Variants in CTNNBL1 observed in about 807,000 individuals in gnomAD.
The protein encoded by CTNNBL1 is beta-catenin-like protein 1.
CTNNBL1 carries 31 observed loss-of-function variants against 72.7 expected under a neutral mutation model. The ratio of observed to expected loss-of-function variants is 0.43; its 90% CI spans 0.32 to 0.58. The LOEUF (loss-of-function observed/expected upper bound fraction) is 0.58. CTNNBL1 is among the 20% of genes least tolerant of loss of function. The probability of loss-of-function intolerance (pLI) is 0.08; values close to 1 mark genes in which losing one functional copy is unlikely to be tolerated. For missense variants in CTNNBL1, 534 were observed against 725.1 expected, an observed-to-expected ratio of 0.74 and a Z score of 3.03; for synonymous variants, 240 against 267.3, an observed-to-expected ratio of 0.90 and a Z score of 1.00.
intron 1 of CTNNBL1, among the ~76,000 whole-genome samples, chr20:37,718,857 A>T (rs547005161): frequency 6.6e-6 from 1 of 152,368 alleles, no homozygotes; most frequent in African/African-American, 2.4e-5. Context: ...TATGCCTTGA[A>T]GATGATAATT....
chr20:37,703,803 A>G (rs1388860693), intron 1 of CTNNBL1, among the ~76,000 whole-genome samples: 1 of 142,452 alleles, frequency 7.0e-6, no homozygotes, highest in African/African-American at 2.7e-5. Context: ...TTTTTTTTTG[A>G]GACAGAGTTT....
intron 10 of CTNNBL1, among the ~76,000 whole-genome samples, chr20:37,781,303 A>C (rs929049617): frequency 6.6e-6 from 1 of 152,180 alleles, no homozygotes; most frequent in African/African-American, 2.4e-5. Context: ...TAAGCTTCTT[A>C]AAGGTCTGAA....
intron 10 of CTNNBL1, among the ~76,000 whole-genome samples, chr20:37,795,783 T>G (rs188492377): frequency 2.0e-4 from 31 of 152,332 alleles, no homozygotes; most frequent in African/African-American, 7.5e-4. Flanking sequence ...TTCTGTCACC[T>G]GTGTTATTTT....
chr20:37,840,005 A>G, intron 11 of CTNNBL1, 97 bp from the exon 12 acceptor site: 2 of 820,422 alleles, frequency 2.4e-6, no homozygotes, highest in Non-Finnish European at 4.1e-6. Context: ...AGAAAGGCCT[A>G]CTTATTCTGC....
intron 1 of CTNNBL1, among the ~76,000 whole-genome samples, chr20:37,703,727 G>T (rs917809077): frequency 6.6e-6 from 1 of 151,898 alleles, no homozygotes; most frequent in Admixed American, 6.6e-5. Flanking sequence ...CTTGAAAGGA[G>T]CCTTGGAACT....
At chr20:37,869,573 A>G (rs1042778155) in intron 15 of CTNNBL1, among the ~76,000 whole-genome samples, 2 of 152,140 alleles carry the variant, frequency 1.3e-5, no homozygotes, top group African/African-American at 4.8e-5. Context: ...GTCTAGGGAG[A>G]GAGGGGCTGG....
intron 13 of CTNNBL1, among the ~76,000 whole-genome samples, chr20:37,857,020 T>G (rs1439334063): frequency 6.6e-6 from 1 of 152,176 alleles, no homozygotes; most frequent in Non-Finnish European, 1.5e-5. Context: ...GGGGAATCCG[T>G]TTTCTAGCAA....
Position 37,803,087 on chromosome 20 carries a change from T to G in CTNNBL1, c.1213+39T>G, listed in dbSNP as rs1224315648. On this transcript the variant is annotated intron_variant, in intron 11 of 15. Transcript: ENST00000361383. Reference sequence around the variant, plus strand: ...GAGGAGTCAGCCTAATTTAGGTGCATTAGGAGAAATAGGGAAATGTGAACT... The same window carrying G: ...GAGGAGTCAGCCTAATTTAGGTGCAGTAGGAGAAATAGGGAAATGTGAACT... 2.5e-6 allele frequency: 4 copies of G among 1,570,446 alleles called. No individual in the cohort carries two copies. In the African/African-American group the frequency reaches 5.4e-5, roughly 21 times the overall value.
At chr20:37,871,904 A>T (rs754720291) in intron 15 of CTNNBL1, 21 bp from the exon 16 acceptor site, 2 of 1,608,584 alleles carry the variant, frequency 1.2e-6, no homozygotes, top group East Asian at 2.2e-5. Context: ...TCCACTCCTG[A>T]CTCTATCTTT....
chr20:37,706,612 C>A (rs1038224523), intron 1 of CTNNBL1, among the ~76,000 whole-genome samples: 6 of 152,312 alleles, frequency 3.9e-5, no homozygotes, highest in African/African-American at 1.4e-4. Context: ...GCAGTTAGTT[C>A]TTCCACTGAA....
At chr20:37,839,680 A>T (rs918969792) in intron 11 of CTNNBL1, among the ~76,000 whole-genome samples, 2 of 152,124 alleles carry the variant, frequency 1.3e-5, no homozygotes, top group African/African-American at 4.8e-5. Context: ...TTTACTTGGG[A>T]AAGTTATAAG....
chr20:37,870,334 C>G (rs545055492), intron 15 of CTNNBL1, among the ~76,000 whole-genome samples: 2 of 152,236 alleles, frequency 1.3e-5, no homozygotes, highest in East Asian at 3.9e-4. Context: ...CCTCCCTTCC[C>G]CGAATACACC....
rs567402556 is a variant in CTNNBL1, at chr20:37,800,617, G to T, written c.1032-2250G>T. Among the ~76,000 whole-genome samples the T allele has an allele frequency of 2.6e-5, 4 of 152,156 alleles. No homozygotes were observed. The East Asian group carries it at 7.7e-4, about 29-fold the overall frequency. ...GTTCATTTATTTTAAATATTTACAT[G>T]TATATTATTCTTTCCCCACACTCTC... On this transcript the variant is annotated intron_variant, in intron 10 of 15. Transcript: ENST00000361383.
intron 6 of CTNNBL1, among the ~76,000 whole-genome samples, chr20:37,766,406 C>A (rs1439331060): frequency 6.6e-6 from 1 of 152,182 alleles, no homozygotes; most frequent in African/African-American, 2.4e-5. Flanking sequence ...TTGTCAGGCA[C>A]TGTGCTAGGT....
intron 4 of CTNNBL1, among the ~76,000 whole-genome samples, chr20:37,752,882 G>A (rs191786069): frequency 6.6e-6 from 1 of 152,126 alleles, no homozygotes; most frequent in Non-Finnish European, 1.5e-5. Flanking sequence ...TTAGTAATTC[G>A]CAGGGAGACA....
At chr20:37,722,478 A>C (rs2073049172) in intron 1 of CTNNBL1, among the ~76,000 whole-genome samples, 1 of 34,170 alleles carries the variant, frequency 2.9e-5, no homozygotes, top group Admixed American at 3.8e-4. Flanking sequence ...CGTCTAAAAT[A>C]AATAAATAAA....
chr20:37,695,190 T>G (rs987284745), intron 1 of CTNNBL1, among the ~76,000 whole-genome samples: 1 of 152,198 alleles, frequency 6.6e-6, no homozygotes, highest in Admixed American at 6.5e-5. Flanking sequence ...AAAATATACT[T>G]AATTAATTTT....
At chr20:37,836,823 C>T (rs1031280540) in intron 11 of CTNNBL1, among the ~76,000 whole-genome samples, 1 of 152,000 alleles carries the variant, frequency 6.6e-6, no homozygotes, top group Admixed American at 6.6e-5. Context: ...TCTCTGGCCT[C>T]GGTTTTTCCA....
In CTNNBL1 at chr20:37,712,589, C is replaced by T. The variant is rs75530330; in HGVS notation, c.30+18437C>T. On this transcript the variant is annotated intron_variant, in intron 1 of 15. Coordinates refer to ENST00000361383, the MANE Select transcript of CTNNBL1 (RefSeq NM_030877.5). ...TTGTGTAAGTGACTGCATTGAGCAG[C>T]GATTGTGAATGGCTACTTTTTGTGT... is the stretch of plus-strand genomic sequence containing the variant. Among the ~76,000 whole-genome samples the T allele has an allele frequency of 1.7e-3, 263 of 152,268 alleles. 6 individuals are homozygous for T. The East Asian group carries it at 0.037, about 22-fold the overall frequency.
Sources: gnomAD v4.1 joint callset for allele counts (sites outside exome capture counted in the v4.1 genomes callset) on GRCh38, gnomAD v4.1.1 for gene constraint, MANE v1.5 for transcripts, NCBI Gene and HGNC (gene_info 2026-07-23, HGNC 2026-07-21) for gene names.